The following SPTBN1 variants were observed in gnomAD, a reference collection of about 807,000 sequenced individuals.
SPTBN1 encodes spectrin beta chain, non-erythrocytic 1.
SPTBN1 carries 32 observed loss-of-function variants against 266.4 expected under a neutral mutation model. That is an observed-to-expected ratio of 0.12 (90% CI 0.09 to 0.16). The LOEUF is 0.16. Among genes scored for constraint, SPTBN1 ranks in the 10% least tolerant of loss-of-function variants. SPTBN1 has a pLI of 1.00. For missense variants in SPTBN1, 2,296 were observed against 3,067.1 expected (o/e 0.75, Z 5.94); for synonymous variants, 1,336 against 1,162.2 (o/e 1.15, Z -3.04).
intron 2 of SPTBN1, among the ~76,000 whole-genome samples, chr2:54,588,633 C>A (rs1369077484): frequency 1.3e-5 from 2 of 152,152 alleles, no homozygotes; most frequent in Non-Finnish European, 2.9e-5. Context: ...GAGTGAAGAT[C>A]CTAATGCAGC....
At chr2:54,625,904 T>C (rs1558440854) in intron 11 of SPTBN1, 28 bp from the exon 12 acceptor site, 1 of 1,604,448 alleles carries the variant, frequency 6.2e-7, no homozygotes, top group Non-Finnish European at 8.5e-7. Context: ...TTTTTTATTT[T>C]CCTTCTTTTC....
chr2:54,462,693 A>G (rs532214727), intron 1 of SPTBN1, among the ~76,000 whole-genome samples: 10 of 152,358 alleles, frequency 6.6e-5, no homozygotes, highest in African/African-American at 2.4e-4. Flanking sequence ...TACTATACAC[A>G]GAAGGTAAAA....
rs772551816 is a variant in SPTBN1 at position 54,668,471 on chromosome 2, G to A, written c.6997G>A (p.Val2333Ile). The change falls in exon 36 of 36, where the codon GTC becomes ATC. Residue 2333 changes from valine to isoleucine, a missense_variant. Transcript: ENST00000356805. The part of the protein sequence containing the change: ...SSRAQTLPTS[V>I]VTITSESSPG... Reference sequence around the variant, plus strand: ...CCGCGCGCAGACCCTCCCCACCAGCGTCGTCACCATCACCAGCGAGTCCAG... The same window carrying A: ...CCGCGCGCAGACCCTCCCCACCAGCATCGTCACCATCACCAGCGAGTCCAG... 116 of 1,614,068 alleles carry A rather than the reference G, an allele frequency of 7.2e-5. No homozygotes were observed. Among genetic ancestry groups the A allele is most frequent in the Non-Finnish European group, 9.4e-5 (111 of 1,180,044 alleles).
At chr2:54,518,221 G>T (rs1670223071) in intron 1 of SPTBN1, among the ~76,000 whole-genome samples, 2 of 151,846 alleles carry the variant, frequency 1.3e-5, no homozygotes, top group Non-Finnish European at 2.9e-5. Flanking sequence ...GTGGTTTCTT[G>T]CATGTTCTCA....
At chr2:54,534,839 A>G (rs1376086420) in intron 2 of SPTBN1, among the ~76,000 whole-genome samples, 1 of 152,032 alleles carries the variant, frequency 6.6e-6, no homozygotes, top group Non-Finnish European at 1.5e-5. Context: ...ACTATTCACC[A>G]TGCACTCATC....
At chr2:54,635,717 T>C (rs146948661) in intron 17 of SPTBN1, among the ~76,000 whole-genome samples, 1 of 152,382 alleles carries the variant, frequency 6.6e-6, no homozygotes, top group African/African-American at 2.4e-5. Flanking sequence ...TGAGATGCCA[T>C]GCCAAAGGGA....
At chr2:54,493,417 G>GGGGGGA (rs1370587328) in intron 1 of SPTBN1, among the ~76,000 whole-genome samples, 1 of 149,754 alleles carries the variant, frequency 6.7e-6, no homozygotes, top group Non-Finnish European at 1.5e-5. Context: ...TTTTTTGGGG[G>GGGGGGA]GTTGGGGGAG....
At chr2:54,594,485 A>G (rs1558879581) in intron 2 of SPTBN1, among the ~76,000 whole-genome samples, 1 of 152,326 alleles carries the variant, frequency 6.6e-6, no homozygotes, top group South Asian at 2.1e-4. Flanking sequence ...ATACCATGCT[A>G]TATAAGGGAC....
chr2:54,616,163 C>T (rs746361943), intron 4 of SPTBN1, 44 bp from the exon 5 acceptor site: 65 of 1,560,212 alleles, frequency 4.2e-5, no homozygotes, highest in Non-Finnish European at 5.5e-5. Flanking sequence ...TTCTTTTAGG[C>T]AGCTGACCCA....
intron 8 of SPTBN1, among the ~76,000 whole-genome samples, chr2:54,621,818 C>A (rs1259392139): frequency 6.6e-6 from 1 of 152,140 alleles, no homozygotes; most frequent in African/African-American, 2.4e-5. Context: ...ATCCTACTTA[C>A]CACAGTTGAA....
chr2:54,567,437 C>T (rs1007099790), intron 2 of SPTBN1, among the ~76,000 whole-genome samples: 24 of 152,158 alleles, frequency 1.6e-4, no homozygotes, highest in African/African-American at 4.6e-4. Context: ...ACCTCTTGGG[C>T]TCAAGCCATC....
At chr2:54,498,756 G>A (rs1236640448) in intron 1 of SPTBN1, among the ~76,000 whole-genome samples, 1 of 152,122 alleles carries the variant, frequency 6.6e-6, no homozygotes, top group African/African-American at 2.4e-5. Context: ...ATTGGGGAAA[G>A]CAGAAAAGTC....
intron 10 of SPTBN1, 69 bp downstream of exon 10, chr2:54,623,665 G>C (rs756967242): frequency 1.7e-5 from 21 of 1,256,870 alleles, no homozygotes; most frequent in Non-Finnish European, 2.1e-5. Flanking sequence ...ACTAGGTCTC[G>C]ACTGCTAAGA....
At chr2:54,456,678 A>G (rs979803287) in intron 1 of SPTBN1, among the ~76,000 whole-genome samples, 160 bp downstream of exon 1, 1 of 150,636 alleles carries the variant, frequency 6.6e-6, no homozygotes, top group African/African-American at 2.4e-5. Flanking sequence ...GGGGGCAGGG[A>G]GGCTGCAAAG....
At chr2:54,625,207 G>A (rs1678245487) in intron 11 of SPTBN1, among the ~76,000 whole-genome samples, 1 of 152,184 alleles carries the variant, frequency 6.6e-6, no homozygotes. Context: ...GCCATTGAGT[G>A]TGTGTGAACT....
chr2:54,631,103 C>A lies in SPTBN1; in HGVS notation c.3056C>A (p.Ala1019Glu). The change falls in exon 16 of 36, where the codon GCG (alanine) becomes GAG (glutamate). Residue 1019 changes from alanine (A) to glutamate (E), a missense_variant. Physicochemically the swap from Ala to Glu is moderately radical, Grantham distance 107. Transcript: ENST00000356805. ...AAGCTGAGTGACCTGCAGAAGGAGG[C>A]GGAGAAGCTGGAGTCCGAGCACCCC... ...EAKLSDLQKEAEKLESEHPDQ... is the reference protein window; with the variant it reads ...EAKLSDLQKEEEKLESEHPDQ... The A allele has an allele frequency of 6.2e-7, 1 of 1,614,142 alleles. No individual in the cohort carries two copies. The highest frequency in any genetic ancestry group is 2.2e-5 in the East Asian group (1 of 44,872).
chr2:54,475,577 G>C lies in SPTBN1; in HGVS notation c.-48+19059G>C, dbSNP rs115725502. Among the ~76,000 whole-genome samples the C allele has an allele frequency of 6.5e-3, 983 of 152,224 alleles. 13 individuals carry two copies. The highest frequency in any genetic ancestry group is 0.023 in the African/African-American group (955 of 41,536). The stretch of plus-strand genomic sequence containing the variant: ...TTGAGTGAGAATGGTAGAGCCTCCT[G>C]CTACCATGTGACAGGCACGTAACAT... On this transcript the variant is annotated intron_variant, in intron 1 of 35. Transcript: ENST00000356805.
At chr2:54,597,548 A>G (rs575012009) in intron 2 of SPTBN1, among the ~76,000 whole-genome samples, 2 of 152,294 alleles carry the variant, frequency 1.3e-5, no homozygotes, top group South Asian at 2.1e-4. Flanking sequence ...CAGGACCTCA[A>G]GGAGCCGCTG....
intron 2 of SPTBN1, among the ~76,000 whole-genome samples, chr2:54,586,302 A>G (rs769112558): frequency 6.6e-6 from 1 of 152,366 alleles, no homozygotes; most frequent in Middle Eastern, 3.4e-3. Context: ...ACAATGGGTT[A>G]TGGTCACTGG....
Sources: allele counts gnomAD v4.1 joint callset (sites outside exome capture counted in the v4.1 genomes callset), GRCh38; gene constraint gnomAD v4.1.1; transcripts MANE v1.5; gene names NCBI Gene and HGNC (gene_info 2026-07-23, HGNC 2026-07-21).